CSMD3: variants seen among roughly 807,000 people sequenced by gnomAD.
CSMD3 encodes CUB and Sushi multiple domains 3.
A neutral mutation model predicts 435.2 loss-of-function variants in CSMD3; 177 were observed. The observed-to-expected ratio is 0.41, with a 90% CI of 0.36 to 0.46. The LOEUF (loss-of-function observed/expected upper bound fraction) is 0.46. CSMD3 is among the 20% of genes least tolerant of loss of function. CSMD3 has a pLI of 0.34. For synonymous variants in CSMD3, 1,656 were observed against 1,520.5 expected (o/e 1.09, Z -2.07); for missense variants, 4,265 against 4,504.6 (o/e 0.95, Z 1.52).
intron 58 of CSMD3, among the ~76,000 whole-genome samples, chr8:112,285,748 C>T (rs534250200): frequency 6.6e-6 from 1 of 151,902 alleles, no homozygotes; most frequent in Admixed American, 6.6e-5. Context: ...TAAACAGAGT[C>T]TCGCTCTGTC....
intron 11 of CSMD3, among the ~76,000 whole-genome samples, chr8:112,848,044 C>T (rs2080376940): frequency 6.6e-6 from 1 of 152,086 alleles, no homozygotes. Context: ...ACTTCATCTC[C>T]TACTAGAAAA....
At chr8:113,125,277 C>T (rs2091094298) in intron 4 of CSMD3, among the ~76,000 whole-genome samples, 1 of 151,950 alleles carries the variant, frequency 6.6e-6, no homozygotes, top group Non-Finnish European at 1.5e-5. Flanking sequence ...GCATGATCCT[C>T]CTGTTTATGC....
chr8:112,534,052 T>G (rs1459875729), intron 27 of CSMD3, among the ~76,000 whole-genome samples: 7 of 151,722 alleles, frequency 4.6e-5, no homozygotes, highest in Non-Finnish European at 1.0e-4. Context: ...AATTAAAAGA[T>G]TTCTTGAAAG....
chr8:113,194,925 A>G (rs975455436), intron 3 of CSMD3, among the ~76,000 whole-genome samples: 2 of 151,118 alleles, frequency 1.3e-5, no homozygotes, highest in Admixed American at 6.6e-5. Flanking sequence ...AACTTACTAC[A>G]TATTTCATTA....
intron 4 of CSMD3, among the ~76,000 whole-genome samples, chr8:113,118,208 T>C (rs1381790115): frequency 3.3e-5 from 5 of 152,216 alleles, no homozygotes; most frequent in African/African-American, 9.6e-5. Flanking sequence ...CTTTAGAATA[T>C]AAATGCCATC....
chr8:113,126,439 TA>T (rs2091131813), intron 4 of CSMD3, among the ~76,000 whole-genome samples: 1 of 151,924 alleles, frequency 6.6e-6, no homozygotes, highest in Admixed American at 6.6e-5. Context: ...TAGTTGAAAA[TA>T]TATAAAGGAT....
chr8:112,666,238 T>A (rs768614613), intron 17 of CSMD3, 39 bp downstream of exon 17: 2 of 1,437,834 alleles, frequency 1.4e-6, no homozygotes, highest in Non-Finnish European at 2.0e-6. Flanking sequence ...ATCTTTTAGA[T>A]AATATTTTCT....
At chr8:113,381,622 T>C (rs563910373) in intron 1 of CSMD3, among the ~76,000 whole-genome samples, 1 of 152,288 alleles carries the variant, frequency 6.6e-6, no homozygotes, top group South Asian at 2.1e-4. Context: ...TATGGTAGTT[T>C]CTAGGGATAC....
At chr8:112,341,440 G>A (rs368352033) in intron 42 of CSMD3, 37 bp downstream of exon 42, 3 of 1,247,222 alleles carry the variant, frequency 2.4e-6, no homozygotes, top group Admixed American at 3.4e-5. Flanking sequence ...GCTGATTTGG[G>A]GTTATATAAA....
At chr8:113,217,394 T>C (rs952969813) in intron 3 of CSMD3, among the ~76,000 whole-genome samples, 3 of 151,004 alleles carry the variant, frequency 2.0e-5, no homozygotes, top group Non-Finnish European at 3.0e-5. Context: ...AACCAAGAAA[T>C]GACACAAGTA....
chr8:112,409,066 C>G (rs770558601), intron 32 of CSMD3, 34 bp from the exon 33 acceptor site: 7 of 1,612,544 alleles, frequency 4.3e-6, no homozygotes. Flanking sequence ...GCAAACAAAT[C>G]ACCAACCATC....
intron 32 of CSMD3, among the ~76,000 whole-genome samples, chr8:112,432,909 G>GAA (rs11300101): frequency 6.9e-6 from 1 of 145,512 alleles, no homozygotes; most frequent in Non-Finnish European, 1.5e-5. Context: ...GGCTCCACTG[G>GAA]AAAAAAAAAA....
In CSMD3 at chr8:112,685,596, A is replaced by G. The variant is rs756246273; in HGVS notation, c.2292T>C (p.Asn764=). 2 of 1,614,026 alleles carry G rather than the reference A, an allele frequency of 1.2e-6. No individual in the cohort carries two copies. The highest frequency in any genetic ancestry group is 1.7e-6 in the Non-Finnish European group (2 of 1,179,958). The change falls in exon 15 of 71, where the codon AAT becomes AAC. Residue 764 remains asparagine, a synonymous_variant. Coordinates refer to ENST00000297405, the MANE Select transcript of CSMD3 (RefSeq NM_198123.2). The part of the protein sequence containing the change: ...DPGSRIHLSF[N]DFDLESQFDF... ...CAAACTGGGATTCCAGGTCAAAGTC[A>G]TTGAAAGAAAGATGTATCCGGCTCC... is the stretch of plus-strand genomic sequence containing the variant.
chr8:112,774,083 T>G (rs1384113233), intron 13 of CSMD3, among the ~76,000 whole-genome samples: 1 of 152,004 alleles, frequency 6.6e-6, no homozygotes, highest in East Asian at 1.9e-4. Context: ...ACTCATACTT[T>G]TTTTGGTTCT....
At chr8:112,408,448 T>G in intron 33 of CSMD3, 35 bp from the exon 34 acceptor site, 1 of 1,260,612 alleles carries the variant, frequency 7.9e-7, no homozygotes, top group South Asian at 1.2e-5. Flanking sequence ...ATATCATAAA[T>G]AATTTTCATT....
intron 3 of CSMD3, among the ~76,000 whole-genome samples, chr8:113,216,613 T>C (rs934972313): frequency 5.9e-5 from 9 of 151,916 alleles, no homozygotes; most frequent in African/African-American, 1.9e-4. Context: ...ACAAACAATA[T>C]AAGTCAAGGT....
intron 36 of CSMD3, 47 bp from the exon 37 acceptor site, chr8:112,383,710 A>C (rs2131256452): frequency 9.0e-7 from 1 of 1,116,046 alleles, no homozygotes; most frequent in Non-Finnish European, 1.4e-6. Context: ...CTAACCAGAT[A>C]CACATAACTA....
chr8:112,986,177 T>A (rs1292463138), intron 6 of CSMD3, among the ~76,000 whole-genome samples: 2 of 152,188 alleles, frequency 1.3e-5, no homozygotes, highest in African/African-American at 4.8e-5. Context: ...AATCAACAAT[T>A]GTTTTGTTAT....
chr8:112,410,674 GTGTATATATATATGTA>G (rs1832322226), intron 32 of CSMD3, among the ~76,000 whole-genome samples: 1 of 102,406 alleles, frequency 9.8e-6, no homozygotes, highest in African/African-American at 3.3e-5. Flanking sequence ...ATATATATAT[GTGTATATATATATGTA>G]TATATATATG....
Sources: allele counts gnomAD v4.1 joint callset (sites outside exome capture counted in the v4.1 genomes callset), GRCh38; gene constraint gnomAD v4.1.1; transcripts MANE v1.5; gene names NCBI Gene and HGNC (gene_info 2026-07-23, HGNC 2026-07-21).